Variants in H6PD observed in about 807,000 individuals in gnomAD.
The protein encoded by H6PD is hexose-6-phosphate dehydrogenase/glucose 1-dehydrogenase.
A neutral mutation model predicts 61.2 loss-of-function variants in H6PD; 48 were observed. The observed-to-expected ratio is 0.78, with a 90% CI of 0.62 to 1.00. The LOEUF is 1.00. H6PD is among the 50% of genes least tolerant of loss of function. The pLI is 0.00. For synonymous variants in H6PD, 480 were observed against 457.9 expected (o/e 1.05, Z -0.62); for missense variants, 1,093 against 1,065.0 (o/e 1.03, Z -0.37).
intron 1 of H6PD, among the ~76,000 whole-genome samples, chr1:9,237,727 A>G (rs1353538777): frequency 6.6e-6 from 1 of 152,234 alleles, no homozygotes; most frequent in Non-Finnish European, 1.5e-5. Flanking sequence ...TGTTCCAAGT[A>G]GTAAGCTGCT....
intron 1 of H6PD, among the ~76,000 whole-genome samples, chr1:9,236,995 CTGG>C (rs1640866079): frequency 6.6e-6 from 1 of 152,170 alleles, no homozygotes; most frequent in African/African-American, 2.4e-5. Context: ...GAGGCAGAGG[CTGG>C]TTACCGCAGT....
At position 9,264,267 on chromosome 1, in the gene H6PD, G is replaced by A. The variant is rs139680845; in HGVS notation, c.1774G>A (p.Gly592Ser). 3.1e-6 allele frequency: 5 copies of A among 1,609,978 alleles called. No homozygotes were observed. Among genetic ancestry groups the A allele is most frequent in the Non-Finnish European group, 4.2e-6 (5 of 1,179,406 alleles). ...FGQFHLALSG[G>S]SSPVALFQQL... ...CCAGTTCCACCTGGCACTGTCGGGG[G>A]GCTCGAGCCCCGTGGCCCTGTTCCA... Residue 592 changes from glycine (G) to serine (S), a missense_variant, in exon 5 of 5, where the codon GGC becomes AGC. Transcript: ENST00000377403.
chr1:9,241,785 G>C (rs12405956), intron 1 of H6PD, among the ~76,000 whole-genome samples: 2 of 151,880 alleles, frequency 1.3e-5, no homozygotes, highest in Admixed American at 6.6e-5. Flanking sequence ...TCTTCTGCTT[G>C]ACAAAGGAAG....
intron 1 of H6PD, among the ~76,000 whole-genome samples, chr1:9,235,686 C>T (rs924396209): frequency 3.9e-5 from 6 of 152,202 alleles, no homozygotes; most frequent in Non-Finnish European, 8.8e-5. Flanking sequence ...ACACGGTTCC[C>T]TGCAGCCTCC....
In H6PD at chr1:9,254,231, T is replaced by C. The variant is rs1338823123; in HGVS notation, c.745+7148T>C. ...TTATCCAGGCATGGTAGTTTGTGCC[T>C]GTAATCCCAGCTACTCGGGAGGCTG... On this transcript the variant is annotated intron_variant, in intron 3 of 4. Transcript: ENST00000377403. This position sits in a 1 kb window ranked among gnomAD's most constrained non-coding sequence, Gnocchi z 4.6. Among the ~76,000 whole-genome samples the C allele has an allele frequency of 6.6e-6, 1 of 152,158 alleles. No individual in the cohort carries two copies. Among genetic ancestry groups the C allele is most frequent in the African/African-American group, 2.4e-5 (1 of 41,426 alleles).
At chr1:9,257,635 G>C (rs973951138) in intron 3 of H6PD, among the ~76,000 whole-genome samples, 2 of 152,198 alleles carry the variant, frequency 1.3e-5, no homozygotes, top group Admixed American at 6.5e-5. Flanking sequence ...CTCCCTCGTA[G>C]TGGGGAAGAA....
chr1:9,239,351 A>AT (rs1436047257), intron 1 of H6PD, among the ~76,000 whole-genome samples: 2 of 152,134 alleles, frequency 1.3e-5, no homozygotes, highest in Non-Finnish European at 2.9e-5. Context: ...TGGGATGAGG[A>AT]TTCTCTGAGA....
chr1:9,264,892 C>T lies in H6PD; in HGVS notation c.*23C>T. The T allele has an allele frequency of 6.2e-7, 1 of 1,609,328 alleles. No individual in the cohort carries two copies. Among genetic ancestry groups the T allele is most frequent in the African/African-American group, 1.3e-5 (1 of 75,012 alleles). ...TGAGGGCGCCTGTGCCCCTTGCCCG[C>T]TTCGCTCCTGTGCTTTCCTTCGCCC... is the stretch of plus-strand genomic sequence containing the variant. On this transcript the variant is annotated 3_prime_UTR_variant, in exon 5 of 5. Transcript: ENST00000377403.
intron 1 of H6PD, chr1:9,242,451 A>C: frequency 3.4e-5 from 12 of 353,626 alleles, no homozygotes; most frequent in Non-Finnish European, 4.4e-5. Flanking sequence ...AATACCCAAT[A>C]TCTTGGATTT....
rs1402096582 is a variant in H6PD, at chr1:9,264,103, C to A, written c.1610C>A (p.Ala537Asp). 6.2e-7 allele frequency: 1 copy of A among 1,613,928 alleles called. No homozygotes were observed. Among genetic ancestry groups the A allele is most frequent in the Admixed American group, 1.7e-5 (1 of 60,034 alleles). Residue 537 changes from alanine to aspartate, a missense_variant, in exon 5 of 5, where the codon GCC (alanine) becomes GAC (aspartate). Physicochemically the swap from Ala to Asp is moderately radical, Grantham distance 126 (BLOSUM62 -2). Coordinates refer to ENST00000377403, the MANE Select transcript of H6PD (RefSeq NM_004285.4). ...PEQLVPGPGP[A>D]PMPSDFQVLR... ...CAGCTGGTGCCAGGGCCAGGGCCGG[C>A]CCCAATGCCCAGTGACTTCCAGGTC...
chr1:9,265,095 C>A lies in H6PD; in HGVS notation c.*226C>A. 1.6e-6 allele frequency: 1 copy of A among 609,134 alleles called. No individual in the cohort carries two copies. The highest frequency in any genetic ancestry group is 2.9e-6 in the Non-Finnish European group (1 of 341,694). The allele number at this position is 609,134 out of a possible 1,614,324, so 37.7% of individuals were successfully genotyped here. ...AAACAAGGAAGAAATGGAGTCTGCT[C>A]CTGAGAAGCTTCAAATTCAGGCCAG... is the stretch of plus-strand genomic sequence containing the variant. On this transcript the variant is annotated 3_prime_UTR_variant, in exon 5 of 5. Transcript: ENST00000377403.
chr1:9,263,511 G>C lies in H6PD; in HGVS notation c.1018G>C (p.Val340Leu). The change falls in exon 5 of 5, where the codon GTC becomes CTC. Residue 340 changes from valine to leucine, a missense_variant and splice_region_variant. Transcript: ENST00000377403. Reference protein sequence around the residue: ...FHSLTPTFAAVLVHIDNLRWE... With the variant: ...FHSLTPTFAALLVHIDNLRWE... ...CCTCTGCTGTTCCCTCACCCCAGCC[G>C]TCCTAGTGCACATTGACAACCTTCG... The C allele has an allele frequency of 6.2e-7, 1 of 1,613,996 alleles. No homozygotes were observed. Among genetic ancestry groups the C allele is most frequent in the Non-Finnish European group, 8.5e-7 (1 of 1,179,868 alleles).
chr1:9,247,939 T>G (rs1641237108), intron 3 of H6PD, among the ~76,000 whole-genome samples: 1 of 152,226 alleles, frequency 6.6e-6, no homozygotes, highest in African/African-American at 2.4e-5. Flanking sequence ...GTTTACTGTG[T>G]CCCCAGTCCC....
At chr1:9,241,611 G>C (rs557195282) in intron 1 of H6PD, among the ~76,000 whole-genome samples, 7 of 152,266 alleles carry the variant, frequency 4.6e-5, no homozygotes, top group African/African-American at 1.7e-4. Flanking sequence ...TGTTGCCCAG[G>C]CTGGTCTGGA....
chr1:9,257,209 A>C (rs966941851), intron 3 of H6PD, among the ~76,000 whole-genome samples: 18 of 150,984 alleles, frequency 1.2e-4, no homozygotes, highest in African/African-American at 4.4e-4. Flanking sequence ...GCAGGTTCAC[A>C]GCTCACTGCA....
chr1:9,262,671 C>G (rs949817922), intron 4 of H6PD, among the ~76,000 whole-genome samples: 2 of 152,220 alleles, frequency 1.3e-5, no homozygotes. Context: ...AGCCTTTTGC[C>G]TGGCCACAGC....
At chr1:9,249,693 C>T (rs987846549) in intron 3 of H6PD, among the ~76,000 whole-genome samples, 1 of 152,190 alleles carries the variant, frequency 6.6e-6, no homozygotes, top group African/African-American at 2.4e-5. Context: ...TGCAGCCTGT[C>T]GCGGTGAGAC....
Position 9,264,440 on chromosome 1 carries a change from C to T in H6PD, c.1947C>T (p.Tyr649=), listed in dbSNP as rs1181933941. The T allele has an allele frequency of 1.9e-6, 3 of 1,613,256 alleles. No homozygotes were observed. Among genetic ancestry groups the T allele is most frequent in the South Asian group, 2.2e-5 (2 of 91,078 alleles). The part of the protein sequence containing the change: ...HLLQHVRIPY[Y]NIHPMPVHLQ... ...TGCAGCACGTCCGGATCCCCTACTA[C>T]AACATCCACCCCATGCCTGTGCACC... Residue 649 remains tyrosine, a synonymous_variant, in exon 5 of 5, where the codon TAC becomes TAT. Transcript: ENST00000377403.
At chr1:9,242,081 A>C (rs960758047) in intron 1 of H6PD, among the ~76,000 whole-genome samples, 1 of 152,146 alleles carries the variant, frequency 6.6e-6, no homozygotes, top group African/African-American at 2.4e-5. Context: ...CCCTACACCT[A>C]CTGGATCAGA....
Sources: gnomAD v4.1 joint callset for allele counts (sites outside exome capture counted in the v4.1 genomes callset) on GRCh38, gnomAD v4.1.1 for gene constraint, Gnocchi (gnomAD v3.1) non-coding constraint, MANE v1.5 for transcripts, NCBI Gene and HGNC (gene_info 2026-07-23, HGNC 2026-07-21) for gene names.